Variants in RHCG observed in about 807,000 individuals in gnomAD.
RHCG encodes ammonium transporter Rh type C.
A neutral mutation model predicts 55.3 loss-of-function variants in RHCG; 39 were observed. That is an observed-to-expected ratio of 0.70 (90% confidence interval 0.55 to 0.92). The LOEUF (loss-of-function observed/expected upper bound fraction) is 0.92. RHCG is among the 40% of genes least tolerant of loss of function. The pLI, the probability that RHCG is intolerant of heterozygous loss-of-function variation, is 0.00. For synonymous variants in RHCG, 250 were observed against 246.8 expected (o/e 1.01, Z -0.12); for missense variants, 635 against 627.9 (o/e 1.01, Z -0.12).
chr15:89,487,937 G>C (rs796722414), intron 1 of RHCG, among the ~76,000 whole-genome samples: 1 of 152,154 alleles, frequency 6.6e-6, no homozygotes, highest in African/African-American at 2.4e-5. Flanking sequence ...TTTTCTCAAC[G>C]ACCAAACTAA....
intron 2 of RHCG, 44 bp downstream of exon 2, chr15:89,486,755 T>C (rs1961377781): frequency 7.1e-6 from 11 of 1,544,572 alleles, no homozygotes; most frequent in Non-Finnish European, 8.8e-6. Context: ...CCCAGCCCCA[T>C]CCCTCCCAGT....
intron 9 of RHCG, 80 bp from the exon 10 acceptor site, chr15:89,472,943 C>A: frequency 7.3e-7 from 1 of 1,372,810 alleles, no homozygotes; most frequent in Non-Finnish European, 9.5e-7. Context: ...CCTGGAGCTG[C>A]AAATGGTGTG....
chr15:89,485,842 ATTGCT>A (rs1401647649), intron 2 of RHCG, among the ~76,000 whole-genome samples: 1 of 152,234 alleles, frequency 6.6e-6, no homozygotes, highest in Admixed American at 6.5e-5. Context: ...AGCAACACAA[ATTGCT>A]ATAGGTTTCA....
intron 1 of RHCG, 94 bp downstream of exon 1, chr15:89,496,267 A>AT (rs1567230465): frequency 7.6e-7 from 1 of 1,310,796 alleles, no homozygotes; most frequent in Non-Finnish European, 1.1e-6. Flanking sequence ...TGCAGGGTAG[A>AT]TCCCCTCCTC....
Position 89,477,721 on chromosome 15 carries a change from C to T in RHCG, c.976-68G>A, listed in dbSNP as rs932039182. On this transcript the variant is annotated intron_variant, in intron 6 of 10. Coordinates refer to ENST00000268122, the MANE Select transcript of RHCG (RefSeq NM_016321.3). This position sits in a 1 kb window ranked among gnomAD's most constrained non-coding sequence, Gnocchi z 4.5. ...CAAGGGTGTGGGGAGGCCGGGATTC[C>T]AGAGACCCAGGATTCTCTAGCCCTC... 4.4e-6 allele frequency: 7 copies of T among 1,604,652 alleles called. No homozygotes were observed. Among genetic ancestry groups the T allele is most frequent in the Non-Finnish European group, 4.3e-6 (5 of 1,173,208 alleles).
At chr15:89,479,821 G>T (rs1371386) in intron 4 of RHCG, 25 of 389,912 alleles carry the variant, frequency 6.4e-5, no homozygotes, top group East Asian at 1.1e-4. Context: ...CTTCCACTAC[G>T]CTGTGAGGAG....
rs12441657 is a variant in RHCG, at chr15:89,478,129, G to A, written c.838-155C>T. Among the ~76,000 whole-genome samples, 1,082 of 152,306 alleles carry A rather than the reference G, an allele frequency of 7.1e-3. 18 individuals are homozygous for A. Among genetic ancestry groups the A allele is most frequent in the East Asian group, 0.042 (216 of 5,182 alleles). On this transcript the variant is annotated intron_variant, in intron 5 of 10. Transcript: ENST00000268122. ...CCTCAGCAAGCCAGGAGCCTGCAGA[G>A]GACTTCAGCCCCACCCAGGCTTGCT...
At chr15:89,493,923 C>T (rs535395802) in intron 1 of RHCG, among the ~76,000 whole-genome samples, 11 of 152,090 alleles carry the variant, frequency 7.2e-5, no homozygotes, top group Non-Finnish European at 7.4e-5. Context: ...AGAGAATGCA[C>T]GTGCGGTTGG....
Position 89,479,392 on chromosome 15 carries a change from G to T in RHCG, c.767C>A (p.Ser256Tyr). Residue 256 changes from serine (S) to tyrosine (Y), a missense_variant, in exon 5 of 11, where the codon TCC becomes TAC. By Grantham distance (144) the Ser-to-Tyr change is moderately radical. Coordinates refer to ENST00000268122, the MANE Select transcript of RHCG (RefSeq NM_016321.3). ...QHRAAINTYC[S>Y]LAACVLTSVA... ...CGAGGTAAGCACGCAGGCTGCCAAG[G>T]AGCAGTAGGTGTTGATGGCGGCTCG... 1.9e-6 allele frequency: 3 copies of T among 1,614,184 alleles called. No homozygotes were observed. Among genetic ancestry groups the T allele is most frequent in the Non-Finnish European group, 2.5e-6 (3 of 1,180,032 alleles).
intron 5 of RHCG, among the ~76,000 whole-genome samples, chr15:89,478,746 C>G (rs903350319): frequency 2.0e-5 from 3 of 152,154 alleles, no homozygotes; most frequent in African/African-American, 7.2e-5. Context: ...ATAATCGATA[C>G]TCCAGACAGT....
intron 3 of RHCG, among the ~76,000 whole-genome samples, chr15:89,481,888 GC>G (rs1202122451): frequency 6.6e-6 from 1 of 152,046 alleles, no homozygotes; most frequent in Non-Finnish European, 1.5e-5. Context: ...CACAACCTGT[GC>G]CTCCTGGGTT....
chr15:89,486,906 G>A lies in RHCG; in HGVS notation c.264C>T (p.Ala88=), dbSNP rs143499066. The change falls in exon 2 of 11, where the codon GCC becomes GCT. Residue 88 remains alanine, a synonymous_variant. Transcript: ENST00000268122. ...CTGCCAACAGGAAGTTGAAGCCCAC[G>A]GCGCTGAAGCCGTAGCGCTGCAGGA... The part of the protein sequence containing the change: ...MTFLQRYGFS[A]VGFNFLLAAF... The A allele has an allele frequency of 1.2e-6, 2 of 1,613,322 alleles. No individual in the cohort carries two copies. The highest frequency in any genetic ancestry group is 1.3e-5 in the African/African-American group (1 of 75,038).
chr15:89,495,364 A>G (rs1291426894), intron 1 of RHCG, among the ~76,000 whole-genome samples: 2 of 152,196 alleles, frequency 1.3e-5, no homozygotes, highest in Non-Finnish European at 2.9e-5. Flanking sequence ...ACCAGTTGAT[A>G]TAGGCGGCTG....
chr15:89,482,051 C>G (rs1273027989), intron 3 of RHCG, among the ~76,000 whole-genome samples: 1 of 152,238 alleles, frequency 6.6e-6, no homozygotes, highest in Non-Finnish European at 1.5e-5. Flanking sequence ...ATCTGCCTGC[C>G]TCGGCCTCCC....
At chr15:89,487,989 A>C (rs1026649292) in intron 1 of RHCG, among the ~76,000 whole-genome samples, 1 of 152,220 alleles carries the variant, frequency 6.6e-6, no homozygotes, top group Non-Finnish European at 1.5e-5. Context: ...CTCAGCGCTT[A>C]TGTTGCATGG....
intron 2 of RHCG, among the ~76,000 whole-genome samples, chr15:89,484,274 A>G (rs577734588): frequency 6.6e-6 from 1 of 152,270 alleles, no homozygotes; most frequent in South Asian, 2.1e-4. Flanking sequence ...GCCTGGCTAA[A>G]TGATCGATGG....
intron 1 of RHCG, 140 bp downstream of exon 1, chr15:89,496,221 G>A (rs1961563017): frequency 1.0e-5 from 8 of 792,352 alleles, no homozygotes; most frequent in Admixed American, 2.2e-5. Context: ...TCCCACGCAT[G>A]CCCTGCAGAG....
chr15:89,487,023 C>A (rs759594707), intron 1 of RHCG, 38 bp from the exon 2 acceptor site: 3 of 1,506,172 alleles, frequency 2.0e-6, no homozygotes, highest in Admixed American at 2.2e-5. Context: ...GGTGGTCTGG[C>A]GAAGGTTCGT....
chr15:89,477,213 TGGAGACAGGGGGCA>T lies in RHCG; in HGVS notation c.1113-21_1113-8del, dbSNP rs1961168100. 4 of 1,613,016 alleles carry T rather than the reference TGGAGACAGGGGGCA, an allele frequency of 2.5e-6. No individual in the cohort carries two copies. Among genetic ancestry groups the T allele is most frequent in the Non-Finnish European group, 3.4e-6 (4 of 1,179,732 alleles). On this transcript the variant is annotated splice_region_variant and splice_polypyrimidine_tract_variant and intron_variant, in intron 7 of 10. Coordinates refer to ENST00000268122, the MANE Select transcript of RHCG (RefSeq NM_016321.3). The surrounding 1 kb of genome is among the most constrained non-coding windows in gnomAD (Gnocchi z 4.5). ...GTCAAAGGAATGGACAAGCCTGGGG[TGGAGACAGGGGGCA>T]GGTCAGGGCCCCATGGAGAGGCCAA...
Sources: allele counts gnomAD v4.1 joint callset (sites outside exome capture counted in the v4.1 genomes callset), GRCh38; gene constraint gnomAD v4.1.1; non-coding constraint Gnocchi (gnomAD v3.1); transcripts MANE v1.5; gene names NCBI Gene and HGNC (gene_info 2026-07-23, HGNC 2026-07-21).